Variants in MTHFD2L observed in about 807,000 individuals in gnomAD.
MTHFD2L encodes methylenetetrahydrofolate dehydrogenase (NADP+ dependent) 2 like, also known as bifunctional methylenetetrahydrofolate dehydrogenase/cyclohydrolase 2, mitochondrial.
MTHFD2L carries 29 observed loss-of-function variants against 34.9 expected under a neutral mutation model. That is an observed-to-expected ratio of 0.83 (90% confidence interval 0.62 to 1.13). The LOEUF (loss-of-function observed/expected upper bound fraction) is 1.13. MTHFD2L is among the 50% of genes most tolerant of loss of function. MTHFD2L has a pLI of 0.00. For synonymous variants in MTHFD2L, 167 were observed against 155.7 expected (o/e 1.07, Z -0.54); for missense variants, 481 against 446.5 (o/e 1.08, Z -0.70).
intron 6 of MTHFD2L, among the ~76,000 whole-genome samples, chr4:74,256,333 A>G (rs1265696582): frequency 6.7e-6 from 1 of 149,476 alleles, no homozygotes; most frequent in Non-Finnish European, 1.5e-5. Flanking sequence ...CTGGTCTTGA[A>G]CTCCTGACCT....
intron 1 of MTHFD2L, among the ~76,000 whole-genome samples, chr4:74,139,114 G>A (rs1373630870): frequency 6.6e-6 from 1 of 152,166 alleles, no homozygotes; most frequent in Admixed American, 6.5e-5. Context: ...TGCATAGACA[G>A]TCTTTGTAAT....
chr4:74,206,633 A>T (rs1462491853), intron 5 of MTHFD2L, among the ~76,000 whole-genome samples: 3 of 152,154 alleles, frequency 2.0e-5, no homozygotes, highest in Non-Finnish European at 4.4e-5. Flanking sequence ...TTTGAAGTTA[A>T]GCTGCCCAGT....
At chr4:74,200,166 G>C (rs895334295) in intron 4 of MTHFD2L, among the ~76,000 whole-genome samples, 2 of 152,028 alleles carry the variant, frequency 1.3e-5, no homozygotes, top group African/African-American at 4.8e-5. Flanking sequence ...CAAAAAATTA[G>C]CCAGGTGTGG....
Position 74,147,282 on chromosome 4 carries a change from C to T in MTHFD2L, c.-296-12773C>T, listed in dbSNP as rs951337657. On this transcript the variant is annotated intron_variant, in intron 1 of 7. Coordinates refer to the MTHFD2L transcript ENST00000433372. Reference sequence around the variant, plus strand: ...CATTGTCTCCTTTTTGGTTCTAGGTCGGCTCTTTAAGCCCAGGTTCCCCTT... The same window carrying T: ...CATTGTCTCCTTTTTGGTTCTAGGTTGGCTCTTTAAGCCCAGGTTCCCCTT... Among the ~76,000 whole-genome samples the T allele has an allele frequency of 3.3e-5, 5 of 151,982 alleles. No homozygotes were observed. The East Asian group carries it at 5.8e-4, about 18-fold the overall frequency.
At chr4:74,251,520 GC>G (rs1207671184) in intron 6 of MTHFD2L, among the ~76,000 whole-genome samples, 1 of 152,054 alleles carries the variant, frequency 6.6e-6, no homozygotes, top group African/African-American at 2.4e-5. Context: ...GGAAATCCCT[GC>G]TTTGTTGTGT....
intron 1 of MTHFD2L, among the ~76,000 whole-genome samples, chr4:74,141,101 A>G (rs1025185468): frequency 5.3e-5 from 8 of 152,188 alleles, no homozygotes; most frequent in African/African-American, 1.4e-4. Flanking sequence ...TTTTTGCCCT[A>G]ACTTCAAAGA....
At chr4:74,267,320 TTTC>T in intron 6 of MTHFD2L, 4 of 757,926 alleles carry the variant, frequency 5.3e-6, no homozygotes, top group Non-Finnish European at 6.4e-6. Context: ...TTTCTTTCTC[TTTC>T]TCTCTTTCTT....
intron 7 of MTHFD2L, among the ~76,000 whole-genome samples, chr4:74,299,023 GTAAT>G (rs998624659): frequency 4.6e-5 from 7 of 151,864 alleles, no homozygotes; most frequent in East Asian, 1.9e-4. Flanking sequence ...TTCTTGGCAA[GTAAT>G]TAATAAGTAC....
At chr4:74,189,277 T>C (rs1732001948) in intron 3 of MTHFD2L, among the ~76,000 whole-genome samples, 1 of 152,122 alleles carries the variant, frequency 6.6e-6, no homozygotes, top group African/African-American at 2.4e-5. Context: ...TTGTTTCAAA[T>C]TCTTTTTGAC....
intron 3 of MTHFD2L, among the ~76,000 whole-genome samples, chr4:74,178,326 CA>C (rs1729448149): frequency 6.6e-6 from 1 of 152,062 alleles, no homozygotes; most frequent in Non-Finnish European, 1.5e-5. Flanking sequence ...CACATATCTA[CA>C]AATTTTTCTT....
chr4:74,274,384 TTAAA>T (rs1270274822), intron 6 of MTHFD2L, among the ~76,000 whole-genome samples: 6 of 152,144 alleles, frequency 3.9e-5, no homozygotes, highest in African/African-American at 1.4e-4. Context: ...ATGGGGAACT[TTAAA>T]TAACAAAATG....
At chr4:74,147,512 T>A (rs555756167) in intron 1 of MTHFD2L, among the ~76,000 whole-genome samples, 2 of 152,292 alleles carry the variant, frequency 1.3e-5, no homozygotes, top group East Asian at 3.9e-4. Flanking sequence ...CTTCTCCCCT[T>A]TTGTCTTTGG....
At chr4:74,137,519 G>A (rs1578240248) in intron 1 of MTHFD2L, among the ~76,000 whole-genome samples, 1 of 152,048 alleles carries the variant, frequency 6.6e-6, no homozygotes, top group African/African-American at 2.4e-5. Flanking sequence ...CAGTTGGTGG[G>A]AATTAGTACA....
intron 5 of MTHFD2L, among the ~76,000 whole-genome samples, chr4:74,216,031 A>G (rs1380586233): frequency 6.6e-6 from 1 of 151,836 alleles, no homozygotes; most frequent in East Asian, 1.9e-4. Context: ...CATGTGCTCA[A>G]TAAAAATAAA....
chr4:74,257,323 A>T (rs1744147659), intron 6 of MTHFD2L, among the ~76,000 whole-genome samples: 1 of 152,188 alleles, frequency 6.6e-6, no homozygotes. Flanking sequence ...AATCCAATCA[A>T]AAGACATAAG....
chr4:74,234,839 C>T (rs913156268), intron 6 of MTHFD2L, among the ~76,000 whole-genome samples: 14 of 146,570 alleles, frequency 9.6e-5, no homozygotes, highest in East Asian at 6.0e-4. Flanking sequence ...GTAAGAGACA[C>T]AGATAGATTG....
At chr4:74,266,813 G>C (rs949557996) in intron 6 of MTHFD2L, 19 of 981,074 alleles carry the variant, frequency 1.9e-5, no homozygotes, top group Middle Eastern at 1.0e-3. Flanking sequence ...ATGCTTAAAG[G>C]TTGTAGGAGA....
upstream of MTHFD2L, chr4:74,157,149 T>C (rs1724343061): frequency 6.5e-6 from 1 of 153,720 alleles, no homozygotes; most frequent in African/African-American, 2.4e-5. Context: ...AGGCTGCTTA[T>C]TTGTGTCAAA....
At chr4:74,179,729 T>C (rs910715910) in intron 3 of MTHFD2L, among the ~76,000 whole-genome samples, 1 of 152,134 alleles carries the variant, frequency 6.6e-6, no homozygotes, top group Non-Finnish European at 1.5e-5. Context: ...ACAATGCATA[T>C]GTACCTTAAA....
Sources: allele counts gnomAD v4.1 joint callset (sites outside exome capture counted in the v4.1 genomes callset), GRCh38; gene constraint gnomAD v4.1.1; transcripts MANE v1.5; gene names NCBI Gene and HGNC (gene_info 2026-07-23, HGNC 2026-07-21).